The following CEP135 variants were observed in gnomAD, a reference collection of about 807,000 sequenced individuals.
The protein encoded by CEP135 is centrosomal protein of 135 kDa.
A neutral mutation model predicts 157.3 loss-of-function variants in CEP135; 142 were observed. The ratio of observed to expected loss-of-function variants is 0.90; its 90% CI spans 0.79 to 1.04. The LOEUF (loss-of-function observed/expected upper bound fraction) is 1.04, where lower values mean the gene tolerates loss of function less well. CEP135 is among the 50% of genes least tolerant of loss of function. CEP135 has a pLI of 0.00. For synonymous variants in CEP135, 396 were observed against 439.8 expected (o/e 0.90, Z 1.25); for missense variants, 1,317 against 1,309.2 (o/e 1.01, Z -0.09).
chr4:55,966,934 T>C (rs1728861904), intron 8 of CEP135, among the ~76,000 whole-genome samples: 3 of 152,188 alleles, frequency 2.0e-5, no homozygotes, highest in Non-Finnish European at 4.4e-5. Flanking sequence ...AAAATAAAAC[T>C]ATTTCATTGT....
chr4:55,971,558 A>G, intron 10 of CEP135, 150 bp downstream of exon 10: 1 of 760,624 alleles, frequency 1.3e-6, no homozygotes, highest in Non-Finnish European at 2.0e-6. Context: ...TACTGTAGAT[A>G]CAGTAGAAAT....
intron 13 of CEP135, among the ~76,000 whole-genome samples, chr4:55,984,036 GC>G (rs1481397325): frequency 6.6e-6 from 1 of 151,990 alleles, no homozygotes; most frequent in Admixed American, 6.6e-5. Context: ...TGTATTATTG[GC>G]CCCTGTACTA....
chr4:56,010,052 T>TA (rs536232900), intron 19 of CEP135, 149 bp downstream of exon 19: 5 of 906,040 alleles, frequency 5.5e-6, no homozygotes, highest in South Asian at 1.6e-5. Context: ...ATCAGGGTAT[T>TA]AAAAAATGGA....
In CEP135 at chr4:55,964,369, C is replaced by A; in HGVS notation, c.795C>A (p.Thr265=). Residue 265 remains threonine, a synonymous_variant, in exon 7 of 26, where the codon ACC becomes ACA. Coordinates refer to ENST00000257287, the MANE Select transcript of CEP135 (RefSeq NM_025009.5). ...DVLSLESRNK[T]NEKLIAHLNI... The stretch of plus-strand genomic sequence containing the variant: ...TTTCTCTGGAGTCTAGAAATAAAAC[C>A]AATGAAAAGCTTATTGCTCATTTAA... 6.2e-7 allele frequency: 1 copy of A among 1,610,146 alleles called. No homozygotes were observed. Among genetic ancestry groups the A allele is most frequent in the African/African-American group, 1.3e-5 (1 of 74,910 alleles).
At position 56,009,873 on chromosome 4, in the gene CEP135, T is replaced by C. The variant is rs746548202; in HGVS notation, c.2475T>C (p.Asp825=). 1 of 1,613,670 alleles carries C rather than the reference T, an allele frequency of 6.2e-7. No homozygotes were observed. The highest frequency in any genetic ancestry group is 2.2e-5 in the East Asian group (1 of 44,866). Residue 825 remains aspartate (D), a synonymous_variant, in exon 19 of 26, where the codon GAT becomes GAC. Transcript: ENST00000257287. ...TTAAGGAAAACAGAAGACTGCAAGATGACCTGGCTACAATGGCAAGAGAAA... is the reference window on the plus strand; with the variant it reads ...TTAAGGAAAACAGAAGACTGCAAGACGACCTGGCTACAATGGCAAGAGAAA... The part of the protein sequence containing the change: ...IAFKENRRLQ[D]DLATMARENQ...
intron 22 of CEP135, among the ~76,000 whole-genome samples, 188 bp downstream of exon 22, chr4:56,018,045 C>T (rs977275725): frequency 6.6e-6 from 1 of 152,074 alleles, no homozygotes. Context: ...CTCACCACAA[C>T]TTCCGCCTCC....
chr4:55,963,533 G>T (rs549079132), intron 6 of CEP135, among the ~76,000 whole-genome samples: 1 of 152,270 alleles, frequency 6.6e-6, no homozygotes, highest in African/African-American at 2.4e-5. Context: ...ATCACCTGAG[G>T]TCAGGAGTTC....
At chr4:56,006,063 T>C (rs556001573) in intron 17 of CEP135, among the ~76,000 whole-genome samples, 2 of 152,338 alleles carry the variant, frequency 1.3e-5, no homozygotes, top group African/African-American at 4.8e-5. Flanking sequence ...CTTGGGGCAG[T>C]CTTTTTGGGG....
At chr4:55,989,264 G>A (rs562124655) in intron 14 of CEP135, among the ~76,000 whole-genome samples, 5 of 152,208 alleles carry the variant, frequency 3.3e-5, no homozygotes, top group South Asian at 2.1e-4. Context: ...TTTTGACCTT[G>A]GAGAAATAAT....
At chr4:55,953,406 C>G in intron 3 of CEP135, 131 bp downstream of exon 3, 1 of 624,062 alleles carries the variant, frequency 1.6e-6, no homozygotes, top group Non-Finnish European at 2.5e-6. Context: ...TGGTGTGTGC[C>G]TATAGTCCCA....
rs186159539 is a variant in CEP135 at position 56,009,087 on chromosome 4, A to G, written c.2337-648A>G. ...CTAATTTAAAAAAAAATTTTTGTAG[A>G]AACAACGTCTCCCTATATTGCCCAG... On this transcript the variant is annotated intron_variant, in intron 18 of 25. Transcript: ENST00000257287. Among the ~76,000 whole-genome samples the G allele has an allele frequency of 2.1e-3, 325 of 152,240 alleles. 2 individuals carry two copies. The highest frequency in any genetic ancestry group is 7.4e-3 in the African/African-American group (307 of 41,536).
intron 22 of CEP135, 22 bp downstream of exon 22, chr4:56,017,879 G>A: frequency 6.3e-7 from 1 of 1,596,716 alleles, no homozygotes; most frequent in South Asian, 1.1e-5. Context: ...AAATTGTCTT[G>A]GCACATTGTT....
In CEP135 at chr4:56,014,878, G is replaced by T. The variant is rs148846769; in HGVS notation, c.2803-2770G>T. On this transcript the variant is annotated intron_variant, in intron 21 of 25. Transcript: ENST00000257287. ...GTTCAAGACCAGCCTGGACAACATG[G>T]CAAAACCCCATCTCTACAAAAAATA... Among the ~76,000 whole-genome samples the T allele has an allele frequency of 5.3e-3, 809 of 152,050 alleles. 8 individuals carry two copies. The highest frequency in any genetic ancestry group is 6.9e-3 in the Non-Finnish European group (466 of 67,974).
chr4:55,980,216 A>T lies in CEP135; in HGVS notation c.1547A>T (p.Glu516Val), dbSNP rs751016005. The T allele has an allele frequency of 6.3e-7, 1 of 1,598,946 alleles. No homozygotes were observed. The highest frequency in any genetic ancestry group is 8.6e-7 in the Non-Finnish European group (1 of 1,166,778). ...CTTCAGCGTATGCTAGAAAGATTTG[A>T]AAAATATATGGAAGATATACAGTCC... ...DELQRMLERF[E>V]KYMEDIQSNV... The change falls in exon 12 of 26, where the codon GAA becomes GTA. Residue 516 changes from glutamate (E) to valine (V), a missense_variant. Coordinates refer to ENST00000257287, the MANE Select transcript of CEP135 (RefSeq NM_025009.5).
At chr4:56,017,953 C>T in intron 22 of CEP135, 96 bp downstream of exon 22, 1 of 1,062,712 alleles carries the variant, frequency 9.4e-7, no homozygotes, top group Non-Finnish European at 1.3e-6. Flanking sequence ...TACTTGTTTC[C>T]TTTTAGAGTA....
At position 55,961,535 on chromosome 4, in the gene CEP135, C is replaced by T. The variant is rs1265280735; in HGVS notation, c.699+1769C>T. Reference sequence around the variant, plus strand: ...ATCCCAGCACTTGGGAAGGCTGAGGCGAGCAGATCACCTGAGGTCTGGAGT... The same window carrying T: ...ATCCCAGCACTTGGGAAGGCTGAGGTGAGCAGATCACCTGAGGTCTGGAGT... On this transcript the variant is annotated intron_variant, in intron 6 of 25. Coordinates refer to ENST00000257287, the MANE Select transcript of CEP135 (RefSeq NM_025009.5). Among the ~76,000 whole-genome samples the T allele has an allele frequency of 2.6e-5, 4 of 151,970 alleles. No homozygotes were observed. In the East Asian group the frequency reaches 5.8e-4, roughly 22 times the overall value.
At chr4:56,009,326 AT>A (rs979112889) in intron 18 of CEP135, among the ~76,000 whole-genome samples, 7 of 150,334 alleles carry the variant, frequency 4.7e-5, no homozygotes, top group Non-Finnish European at 7.4e-5. Flanking sequence ...ACACCCGGCT[AT>A]TTTTTTTTGT....
At chr4:56,016,954 G>A (rs1307256629) in intron 21 of CEP135, among the ~76,000 whole-genome samples, 3 of 152,086 alleles carry the variant, frequency 2.0e-5, no homozygotes, top group Non-Finnish European at 4.4e-5. Flanking sequence ...GGTTGCAGAC[G>A]TGAGCCACCC....
intron 18 of CEP135, among the ~76,000 whole-genome samples, chr4:56,009,057 C>A (rs1247713008): frequency 6.6e-6 from 1 of 152,172 alleles, no homozygotes; most frequent in Non-Finnish European, 1.5e-5. Flanking sequence ...TGCCACCACG[C>A]TCAGCTAATT....
Sources: allele counts gnomAD v4.1 joint callset (sites outside exome capture counted in the v4.1 genomes callset), GRCh38; gene constraint gnomAD v4.1.1; transcripts MANE v1.5; gene names NCBI Gene and HGNC (gene_info 2026-07-23, HGNC 2026-07-21).